NUMBL: variants seen among roughly 807,000 people sequenced by gnomAD.
The protein encoded by NUMBL is NUMB like endocytic adaptor protein.
In NUMBL, 20 loss-of-function variants were observed where a neutral mutation model predicts 48.9. That is an observed-to-expected ratio of 0.41 (90% CI 0.29 to 0.59). The LOEUF is 0.59. Among genes scored for constraint, NUMBL ranks in the 20% least tolerant of loss-of-function variants. NUMBL has a pLI of 0.31. For missense variants in NUMBL, 660 were observed against 846.2 expected (o/e 0.78, Z 2.73); for synonymous variants, 340 against 348.7 (o/e 0.98, Z 0.28).
At chr19:40,686,776 G>T in intron 2 of NUMBL, 135 bp downstream of exon 2, 3 of 639,456 alleles carry the variant, frequency 4.7e-6, no homozygotes, top group Non-Finnish European at 8.4e-6. Context: ...TCTGACAGTC[G>T]CTGAGGAAGA....
rs1460369128 is a variant in NUMBL, at chr19:40,681,069, C to T, written c.400-12G>A. On this transcript the variant is annotated splice_polypyrimidine_tract_variant and intron_variant, in intron 5 of 9. Transcript: ENST00000252891. ...TCGACCAGAAGATCCTAGGAGGGGC[C>T]GGGGAGGCCAGGAGAAGAGTGTGAA... The T allele has an allele frequency of 2.5e-6, 4 of 1,613,680 alleles. No individual in the cohort carries two copies. Among genetic ancestry groups the T allele is most frequent in the African/African-American group, 1.3e-5 (1 of 75,018 alleles).
chr19:40,679,360 G>A (rs1046751538), intron 6 of NUMBL, among the ~76,000 whole-genome samples: 1 of 152,092 alleles, frequency 6.6e-6, no homozygotes, highest in Non-Finnish European at 1.5e-5. Flanking sequence ...ATGACAGAGA[G>A]AGACGCTGTG....
In NUMBL at chr19:40,667,271, G is replaced by A. The variant is rs186397106; in HGVS notation, c.*197C>T. ...TGGTTCCCTTAGCCAGGCTGGGTCCGTCCCTGAATTCCATCCTGTTGCAAC... is the reference window on the plus strand; with the variant it reads ...TGGTTCCCTTAGCCAGGCTGGGTCCATCCCTGAATTCCATCCTGTTGCAAC... On this transcript the variant is annotated 3_prime_UTR_variant, in exon 10 of 10. Transcript: ENST00000252891. The surrounding 1 kb of genome is among the most constrained non-coding windows in gnomAD (Gnocchi z 6.1). 2.8e-5 allele frequency: 21 copies of A among 754,830 alleles called. 1 individual carries two copies. The highest frequency in any genetic ancestry group is 5.7e-5 in the East Asian group (2 of 35,314). The allele number at this position is 754,830 out of a possible 1,614,324, so 46.8% of individuals were successfully genotyped here.
intron 8 of NUMBL, 112 bp from the exon 9 acceptor site, chr19:40,670,132 C>T: frequency 7.5e-7 from 1 of 1,339,614 alleles, no homozygotes; most frequent in East Asian, 2.5e-5. Context: ...TCCTTTCCCA[C>T]TGTAGTAACT....
In NUMBL at chr19:40,667,686, C is replaced by T. The variant is rs974650272; in HGVS notation, c.1612G>A (p.Gly538Arg). 19 of 1,573,726 alleles carry T rather than the reference C, an allele frequency of 1.2e-5. No individual in the cohort carries two copies. Among genetic ancestry groups the T allele is most frequent in the Non-Finnish European group, 1.6e-5 (18 of 1,160,112 alleles). Reference sequence around the variant, plus strand: ...GGTATGGCAGGGGGCGGGAAGGCCCCAGCTTTCCCAAGCAGAGTGGCAGGC... The same window carrying T: ...GGTATGGCAGGGGGCGGGAAGGCCCTAGCTTTCCCAAGCAGAGTGGCAGGC... ...PQPATLLGKA[G>R]AFPPPAIPSA... Residue 538 changes from glycine (G) to arginine (R), a missense_variant, in exon 10 of 10, where the codon GGG (glycine) becomes AGG (arginine). Physicochemically the swap from Gly to Arg is moderately radical, Grantham distance 125. Coordinates refer to ENST00000252891, the MANE Select transcript of NUMBL (RefSeq NM_004756.5). The surrounding 1 kb of genome is among the most constrained non-coding windows in gnomAD (Gnocchi z 6.1).
intron 8 of NUMBL, among the ~76,000 whole-genome samples, chr19:40,671,047 G>C (rs1365934131): frequency 6.6e-6 from 1 of 152,138 alleles, no homozygotes; most frequent in African/African-American, 2.4e-5. Context: ...CACAATCTTA[G>C]TTCACTGCAA....
chr19:40,666,590 AG>A lies in NUMBL; in HGVS notation c.*877del, dbSNP rs1294069250. ...CGCTATGACTCAGAGGTTATCACTC[AG>A]GGACATCCTTCTGACTCTGTTTCAG... is the stretch of plus-strand genomic sequence containing the variant. On this transcript the variant is annotated 3_prime_UTR_variant, in exon 10 of 10. Coordinates refer to ENST00000252891, the MANE Select transcript of NUMBL (RefSeq NM_004756.5). 1 of 152,574 alleles carries A rather than the reference AG, an allele frequency of 6.6e-6. No individual in the cohort carries two copies. Among genetic ancestry groups the A allele is most frequent in the African/African-American group, 2.4e-5 (1 of 41,438 alleles). The allele number at this position is 152,574 out of a possible 1,614,324, so 9.5% of individuals were successfully genotyped here.
At chr19:40,674,403 CTG>C (rs966774998) in intron 7 of NUMBL, among the ~76,000 whole-genome samples, 3 of 152,130 alleles carry the variant, frequency 2.0e-5, no homozygotes, top group African/African-American at 7.2e-5. Flanking sequence ...AGACTGTTCT[CTG>C]TACTCTGGGA....
At position 40,690,379 on chromosome 19, in the gene NUMBL, C is replaced by T. The variant is rs906844243; in HGVS notation, c.24+81G>A. The T allele has an allele frequency of 6.1e-6, 5 of 826,314 alleles. No individual in the cohort carries two copies. In the African/African-American group the frequency reaches 7.1e-5, roughly 12 times the overall value. The allele number at this position is 826,314 out of a possible 1,614,324, so 51.2% of individuals were successfully genotyped here. On this transcript the variant is annotated intron_variant, in intron 1 of 9. Transcript: ENST00000252891. ...CCTTGGCACCCTCTCTCCATCCGGG[C>T]GCCGCGGCCGCCTCCCACCCTCCGC...
At chr19:40,680,203 C>G (rs2081897870) in intron 6 of NUMBL, among the ~76,000 whole-genome samples, 1 of 151,226 alleles carries the variant, frequency 6.6e-6, no homozygotes, top group African/African-American at 2.4e-5. Flanking sequence ...GCAGTCTTGG[C>G]TCACTGCAAC....
intron 8 of NUMBL, among the ~76,000 whole-genome samples, chr19:40,672,532 C>A (rs938038063): frequency 6.6e-6 from 1 of 152,228 alleles, no homozygotes; most frequent in African/African-American, 2.4e-5. Flanking sequence ...TGCCCCTGAC[C>A]CCTGGGATCT....
rs145154788 is a variant in NUMBL, at chr19:40,669,653, T to C, written c.1159+245A>G. ...AATCCCGTGGCTCTAAGATGATCCA[T>C]GGATCTAGGATGATCCCCTGGCTCT... On this transcript the variant is annotated intron_variant, in intron 9 of 9. Transcript: ENST00000252891. Among the ~76,000 whole-genome samples, 376 of 151,924 alleles carry C rather than the reference T, an allele frequency of 2.5e-3. 1 individual carries two copies. The highest frequency in any genetic ancestry group is 8.4e-3 in the African/African-American group (348 of 41,454).
intron 2 of NUMBL, 78 bp from the exon 3 acceptor site, chr19:40,684,634 C>T: frequency 1.3e-6 from 2 of 1,502,740 alleles, no homozygotes; most frequent in Non-Finnish European, 1.8e-6. Flanking sequence ...GACCAGTGCT[C>T]AGGGAGCATG....
chr19:40,690,340 A>T, intron 1 of NUMBL, 120 bp downstream of exon 1: 1 of 534,058 alleles, frequency 1.9e-6, no homozygotes, highest in Non-Finnish European at 2.8e-6. Flanking sequence ...CCCACCCGGG[A>T]CCACCCTCTC....
intron 3 of NUMBL, among the ~76,000 whole-genome samples, chr19:40,683,470 G>T (rs1370668353): frequency 2.6e-5 from 4 of 152,158 alleles, no homozygotes; most frequent in African/African-American, 9.7e-5. Flanking sequence ...TTTACTGGCT[G>T]CCTTACTTTC....
rs567603207 is a variant in NUMBL, at chr19:40,673,248, T to C, written c.1036+96A>G. The C allele has an allele frequency of 1.1e-4, 140 of 1,279,510 alleles. No individual in the cohort carries two copies. Among genetic ancestry groups the C allele is most frequent in the Non-Finnish European group, 1.1e-6 (1 of 943,356 alleles). The allele number at this position is 1,279,510 out of a possible 1,614,324, so 79.3% of individuals were successfully genotyped here. ...CTTTGCCCATGGCAGACAGTGCAAA[T>C]CAATCACAGTGTGAACCATCTCGCC... On this transcript the variant is annotated intron_variant, in intron 8 of 9. Transcript: ENST00000252891. This position sits in a 1 kb window ranked among gnomAD's most constrained non-coding sequence, Gnocchi z 5.9.
intron 6 of NUMBL, among the ~76,000 whole-genome samples, chr19:40,679,160 T>C (rs2081892898): frequency 6.7e-6 from 1 of 149,174 alleles, no homozygotes; most frequent in South Asian, 2.1e-4. Flanking sequence ...GAGGCCAAGG[T>C]GACTGGATCG....
chr19:40,676,738 C>T (rs941614987), intron 7 of NUMBL, among the ~76,000 whole-genome samples: 14 of 151,960 alleles, frequency 9.2e-5, no homozygotes, highest in Non-Finnish European at 2.1e-4. Flanking sequence ...CGAAAAGCCC[C>T]GAATTGGTGG....
chr19:40,681,575 T>C (rs1419379210), intron 5 of NUMBL, among the ~76,000 whole-genome samples: 1 of 152,196 alleles, frequency 6.6e-6, no homozygotes, highest in East Asian at 1.9e-4. Flanking sequence ...TGTGGCCTCA[T>C]AGTGCTTCCT....
Sources: gnomAD v4.1 joint callset for allele counts (sites outside exome capture counted in the v4.1 genomes callset) on GRCh38, gnomAD v4.1.1 for gene constraint, Gnocchi (gnomAD v3.1) non-coding constraint, MANE v1.5 for transcripts, NCBI Gene and HGNC (gene_info 2026-07-23, HGNC 2026-07-21) for gene names.